The following PLXDC2 variants were observed in gnomAD, a reference collection of about 807,000 sequenced individuals.
The protein encoded by PLXDC2 is plexin domain-containing protein 2.
Under a neutral mutation model 68.9 loss-of-function variants are expected in PLXDC2, and 40 were observed. That is an observed-to-expected ratio of 0.58 (90% CI 0.45 to 0.76). PLXDC2 has a LOEUF of 0.76. Among genes scored for constraint, PLXDC2 ranks in the 30% least tolerant of loss-of-function variants. The pLI, the probability that PLXDC2 is intolerant of heterozygous loss-of-function variation, is 0.00. For missense variants in PLXDC2, 644 were observed against 661.9 expected (o/e 0.97, Z 0.30); for synonymous variants, 243 against 234.2 (o/e 1.04, Z -0.34).
intron 1 of PLXDC2, among the ~76,000 whole-genome samples, chr10:19,850,127 C>T (rs1446065666): frequency 1.3e-5 from 2 of 152,154 alleles, no homozygotes; most frequent in Non-Finnish European, 2.9e-5. Context: ...GAGCAATGGT[C>T]AGGAGGGTGG....
chr10:20,112,830 A>G (rs1347852728), intron 4 of PLXDC2, among the ~76,000 whole-genome samples: 2 of 152,244 alleles, frequency 1.3e-5, no homozygotes, highest in Admixed American at 6.5e-5. Context: ...TACTAATATT[A>G]TAGACAAACA....
At chr10:19,842,086 A>G (rs1425310441) in intron 1 of PLXDC2, among the ~76,000 whole-genome samples, 1 of 152,072 alleles carries the variant, frequency 6.6e-6, no homozygotes, top group African/African-American at 2.4e-5. Flanking sequence ...GACCAGGTAG[A>G]GCAACATCCC....
chr10:19,866,511 A>C (rs1040684506), intron 1 of PLXDC2, among the ~76,000 whole-genome samples: 2 of 152,228 alleles, frequency 1.3e-5, no homozygotes, highest in African/African-American at 4.8e-5. Flanking sequence ...AATTGAGGAT[A>C]GTCTCCCTAT....
At chr10:20,132,588 T>C (rs1415692806) in intron 4 of PLXDC2, among the ~76,000 whole-genome samples, 1 of 152,176 alleles carries the variant, frequency 6.6e-6, no homozygotes, top group East Asian at 1.9e-4. Context: ...GATATCTTTA[T>C]CATTGTCTCT....
At chr10:19,993,360 G>A (rs1338666848) in intron 1 of PLXDC2, among the ~76,000 whole-genome samples, 1 of 151,928 alleles carries the variant, frequency 6.6e-6, no homozygotes, top group Non-Finnish European at 1.5e-5. Context: ...TTATTTAATA[G>A]TAAAATTATA....
chr10:20,221,540 C>G (rs73605609), intron 12 of PLXDC2, among the ~76,000 whole-genome samples: 7,257 of 152,230 alleles, frequency 0.048, 228 homozygotes, highest in Non-Finnish European at 0.071. Context: ...ACCAGCCTGA[C>G]TAGTGTTAAG....
At chr10:20,196,082 C>T (rs746061210) in intron 9 of PLXDC2, among the ~76,000 whole-genome samples, 1 of 152,138 alleles carries the variant, frequency 6.6e-6, no homozygotes, top group Non-Finnish European at 1.5e-5. Flanking sequence ...GACACTTCCA[C>T]TAGTTTTATT....
At chr10:20,195,188 G>T (rs974394752) in intron 9 of PLXDC2, among the ~76,000 whole-genome samples, 4 of 152,056 alleles carry the variant, frequency 2.6e-5, no homozygotes, top group Admixed American at 6.6e-5. Flanking sequence ...TGCAGCCTGT[G>T]GTCCGGGCCT....
At chr10:20,129,088 A>G (rs1368088643) in intron 4 of PLXDC2, among the ~76,000 whole-genome samples, 1 of 152,162 alleles carries the variant, frequency 6.6e-6, no homozygotes, top group East Asian at 1.9e-4. Context: ...ATACTAATTT[A>G]CATTTCCACC....
chr10:20,017,434 T>C (rs1327991773), intron 2 of PLXDC2, among the ~76,000 whole-genome samples: 1 of 152,192 alleles, frequency 6.6e-6, no homozygotes, highest in Non-Finnish European at 1.5e-5. Flanking sequence ...AATACCTGTT[T>C]CCAAGTTCCC....
At chr10:20,000,646 TA>T (rs1834919228) in intron 1 of PLXDC2, among the ~76,000 whole-genome samples, 1 of 152,222 alleles carries the variant, frequency 6.6e-6, no homozygotes, top group Admixed American at 6.5e-5. Flanking sequence ...GGAGGTAGTT[TA>T]GGTAATTATG....
At chr10:20,245,197 G>A (rs1022534688) in intron 12 of PLXDC2, 148 bp from the exon 13 acceptor site, 21 of 701,488 alleles carry the variant, frequency 3.0e-5, no homozygotes, top group Admixed American at 1.3e-4. Flanking sequence ...TGAAGAGCAC[G>A]TCACCTGTAA....
chr10:19,937,387 AG>A (rs1272379040), intron 1 of PLXDC2, among the ~76,000 whole-genome samples: 3 of 151,804 alleles, frequency 2.0e-5, no homozygotes, highest in African/African-American at 7.3e-5. Context: ...CTCAATTTTA[AG>A]GGCTGGTTTA....
intron 1 of PLXDC2, among the ~76,000 whole-genome samples, chr10:19,943,107 A>G (rs1469928840): frequency 1.3e-5 from 2 of 152,196 alleles, no homozygotes; most frequent in Non-Finnish European, 2.9e-5. Flanking sequence ...TACACTTGCC[A>G]TTAGAGTGGC....
chr10:19,818,570 C>T (rs1458132599), intron 1 of PLXDC2, among the ~76,000 whole-genome samples: 1 of 152,102 alleles, frequency 6.6e-6, no homozygotes, highest in East Asian at 1.9e-4. Flanking sequence ...GATGACAACA[C>T]TTTTAAAGCT....
chr10:20,237,214 T>A (rs546902682), intron 12 of PLXDC2, among the ~76,000 whole-genome samples: 1 of 152,272 alleles, frequency 6.6e-6, no homozygotes, highest in African/African-American at 2.4e-5. Flanking sequence ...CCCTAATCCC[T>A]TCTACACAGT....
intron 1 of PLXDC2, among the ~76,000 whole-genome samples, chr10:19,876,872 G>A (rs993182841): frequency 2.0e-5 from 3 of 152,030 alleles, no homozygotes; most frequent in African/African-American, 7.2e-5. Context: ...GTTAAACTCA[G>A]ATGTTTCATA....
chr10:20,190,295 T>C (rs1362159112), intron 9 of PLXDC2, among the ~76,000 whole-genome samples: 1 of 152,070 alleles, frequency 6.6e-6, no homozygotes, highest in East Asian at 1.9e-4. Flanking sequence ...TTTAGCTTGC[T>C]TGCACTAATA....
chr10:20,132,294 G>A (rs1239410143), intron 4 of PLXDC2, among the ~76,000 whole-genome samples: 1 of 152,116 alleles, frequency 6.6e-6, no homozygotes, highest in African/African-American at 2.4e-5. Context: ...TATTCCATGT[G>A]CATTTGTAAA....
Sources: gnomAD v4.1 joint callset for allele counts (sites outside exome capture counted in the v4.1 genomes callset) on GRCh38, gnomAD v4.1.1 for gene constraint, MANE v1.5 for transcripts, NCBI Gene and HGNC (gene_info 2026-07-23, HGNC 2026-07-21) for gene names.